The following AKAP6 variants were observed in gnomAD, a reference collection of about 807,000 sequenced individuals.
The protein encoded by AKAP6 is A-kinase anchoring protein 6.
Under a neutral mutation model 188.5 loss-of-function variants are expected in AKAP6, and 58 were observed. That is an observed-to-expected ratio of 0.31 (90% confidence interval 0.25 to 0.38). The LOEUF (loss-of-function observed/expected upper bound fraction) is 0.38. Ranked by LOEUF, AKAP6 falls within the 10% of genes least tolerant of loss-of-function variation. AKAP6 has a pLI of 1.00. For synonymous variants in AKAP6, 989 were observed against 998.6 expected (o/e 0.99, Z 0.18); for missense variants, 2,710 against 2,740.0 (o/e 0.99, Z 0.24).
intron 7 of AKAP6, among the ~76,000 whole-genome samples, chr14:32,617,334 G>T (rs897175703): frequency 8.3e-6 from 1 of 120,802 alleles, no homozygotes; most frequent in South Asian, 2.7e-4. Flanking sequence ...TCGGTGGTCT[G>T]TCTGCCACCC....
rs2030870954 is a variant in AKAP6, at chr14:32,726,291, C to T, written c.3001-6163C>T. ...CCTCAGTCTTCTTTTACAGTTTGCT[C>T]AACATGAAAGTACCCAAATGAAGGG... On this transcript the variant is annotated intron_variant, in intron 9 of 13. Coordinates refer to ENST00000280979, the MANE Select transcript of AKAP6 (RefSeq NM_004274.5). 5 of 851,662 alleles carry T rather than the reference C, an allele frequency of 5.9e-6. No homozygotes were observed. In the Admixed American group the frequency reaches 3.1e-4, roughly 53 times the overall value. 52.8% of individuals were successfully genotyped at this position (851,662 alleles called of 1,614,324 possible). A position where few individuals can be genotyped will look rare whatever the true frequency, so the allele number is the denominator to read the frequency against.
intron 7 of AKAP6, among the ~76,000 whole-genome samples, chr14:32,643,217 G>T (rs1271906012): frequency 6.6e-6 from 1 of 152,116 alleles, no homozygotes; most frequent in Non-Finnish European, 1.5e-5. Flanking sequence ...CCATCTACCA[G>T]GATGGATATT....
chr14:32,718,760 C>T (rs912545480), intron 9 of AKAP6, among the ~76,000 whole-genome samples: 5 of 152,188 alleles, frequency 3.3e-5, no homozygotes, highest in African/African-American at 1.2e-4. Flanking sequence ...AAAGCAATCA[C>T]ACTGTACTCA....
At chr14:32,349,153 C>A (rs965332214) in intron 1 of AKAP6, among the ~76,000 whole-genome samples, 1 of 152,194 alleles carries the variant, frequency 6.6e-6, no homozygotes, top group Non-Finnish European at 1.5e-5. Flanking sequence ...ATCTGTAGGG[C>A]AATGGCCATT....
intron 2 of AKAP6, among the ~76,000 whole-genome samples, chr14:32,454,630 TCCTTCCCTC>T (rs1239922530): frequency 7.1e-6 from 1 of 141,478 alleles, no homozygotes; most frequent in Non-Finnish European, 1.5e-5. Flanking sequence ...CTTCCTTCCT[TCCTTCCCTC>T]CCTCCCTCCT....
chr14:32,615,173 A>AAAAAAAAAAAAAAAAAAAAAAAAAG, intron 7 of AKAP6, among the ~76,000 whole-genome samples: 1 of 146,842 alleles, frequency 6.8e-6, no homozygotes, highest in Non-Finnish European at 1.5e-5. Flanking sequence ...GTCTCAAAAA[A>AAAAAAAAAAAAAAAAAAAAAAAAAG]AAAAAAAAAA....
intron 9 of AKAP6, among the ~76,000 whole-genome samples, chr14:32,709,417 G>A (rs561348715): frequency 8.9e-4 from 135 of 152,018 alleles, no homozygotes; most frequent in African/African-American, 3.1e-3. Flanking sequence ...CCCAGTGCTA[G>A]GTAATATTTG....
Position 32,830,234 on chromosome 14 carries a change from A to T in AKAP6, c.*429A>T. On this transcript the variant is annotated 3_prime_UTR_variant, in exon 14 of 14. Coordinates refer to ENST00000280979, the MANE Select transcript of AKAP6 (RefSeq NM_004274.5). Reference sequence around the variant, plus strand: ...CCCCCACCAGTACTTGACCAATTTCATGTATCAATCTGGATTTTTTTTTAA... The same window carrying T: ...CCCCCACCAGTACTTGACCAATTTCTTGTATCAATCTGGATTTTTTTTTAA... 1 of 366,358 alleles carries T rather than the reference A, an allele frequency of 2.7e-6. No homozygotes were observed. Among genetic ancestry groups the T allele is most frequent in the South Asian group, 7.9e-5 (1 of 12,622 alleles). The allele number at this position is 366,358 out of a possible 1,614,324, so 22.7% of individuals were successfully genotyped here.
chr14:32,391,878 G>A (rs1420937308), intron 1 of AKAP6, among the ~76,000 whole-genome samples: 2 of 152,142 alleles, frequency 1.3e-5, no homozygotes, highest in African/African-American at 4.8e-5. Flanking sequence ...TTTCTTTATA[G>A]CAGTGTGAGA....
chr14:32,343,894 A>C (rs751661511), intron 1 of AKAP6, among the ~76,000 whole-genome samples: 4 of 151,700 alleles, frequency 2.6e-5, no homozygotes, highest in African/African-American at 4.8e-5. Context: ...CCTTTTCTCT[A>C]GCTCTCTGTG....
intron 12 of AKAP6, among the ~76,000 whole-genome samples, chr14:32,810,837 G>C (rs1303059715): frequency 6.6e-6 from 1 of 152,156 alleles, no homozygotes; most frequent in Non-Finnish European, 1.5e-5. Context: ...ACCATCTTAA[G>C]AAAATGACTC....
At chr14:32,793,493 G>A (rs145368820) in intron 12 of AKAP6, among the ~76,000 whole-genome samples, 1 of 152,130 alleles carries the variant, frequency 6.6e-6, no homozygotes, top group East Asian at 1.9e-4. Flanking sequence ...AAATATATAT[G>A]CACCCAATAC....
intron 1 of AKAP6, among the ~76,000 whole-genome samples, chr14:32,340,477 G>A (rs1001087997): frequency 6.6e-6 from 1 of 152,118 alleles, no homozygotes; most frequent in African/African-American, 2.4e-5. Context: ...TAAAACAAAA[G>A]GGTAAAATTT....
At chr14:32,769,964 G>A (rs1373827624) in intron 11 of AKAP6, among the ~76,000 whole-genome samples, 1 of 152,092 alleles carries the variant, frequency 6.6e-6, no homozygotes, top group Non-Finnish European at 1.5e-5. Flanking sequence ...ATATAATGAA[G>A]ACTAAATACC....
At position 32,577,207 on chromosome 14, in the gene AKAP6, A is replaced by G. The variant is rs371864764; in HGVS notation, c.2434A>G (p.Met812Val). 6.1e-5 allele frequency: 98 copies of G among 1,612,444 alleles called. No individual in the cohort carries two copies. Among genetic ancestry groups the G allele is most frequent in the East Asian group, 1.6e-4 (7 of 44,832 alleles). ...TENWTPPKAE[M>V]DDLKLYLETH... ...AAATTGGACTCCCCCTAAAGCAGAG[A>G]TGGATGACCTTAAACTGTATCTGGA... Residue 812 changes from methionine to valine, a missense_variant, in exon 5 of 14, where the codon ATG (methionine) becomes GTG (valine). Around this residue, in one of 2 missense-constraint regions of AKAP6, gnomAD observed 2,473 missense variants for 2,426.1 expected, o/e 1.02. Transcript: ENST00000280979.
At chr14:32,622,367 T>C (rs986166231) in intron 7 of AKAP6, among the ~76,000 whole-genome samples, 4 of 152,230 alleles carry the variant, frequency 2.6e-5, no homozygotes, top group African/African-American at 4.8e-5. Context: ...ATATTATCTG[T>C]TATTTTCACT....
Position 32,577,209 on chromosome 14 carries a change from G to C in AKAP6, c.2436G>C (p.Met812Ile). 6.2e-7 allele frequency: 1 copy of C among 1,612,522 alleles called. No individual in the cohort carries two copies. The highest frequency in any genetic ancestry group is 8.5e-7 in the Non-Finnish European group (1 of 1,179,128). Reference protein sequence around the residue: ...TENWTPPKAEMDDLKLYLETH... With the variant: ...TENWTPPKAEIDDLKLYLETH... ...ATTGGACTCCCCCTAAAGCAGAGAT[G>C]GATGACCTTAAACTGTATCTGGAGA... The change falls in exon 5 of 14, where the codon ATG becomes ATC. Residue 812 changes from methionine to isoleucine, a missense_variant. Transcript: ENST00000280979.
chr14:32,824,865 T>C, intron 13 of AKAP6, 50 bp downstream of exon 13: 2 of 1,446,712 alleles, frequency 1.4e-6, no homozygotes, highest in Non-Finnish European at 1.9e-6. Flanking sequence ...TGAGTTCAGG[T>C]CAGCAAAACC....
intron 9 of AKAP6, among the ~76,000 whole-genome samples, chr14:32,702,397 A>T (rs528020383): frequency 2.0e-4 from 30 of 150,730 alleles, no homozygotes; most frequent in South Asian, 1.1e-3. Context: ...ACTTGAATAT[A>T]TTTTTTTTCC....
Sources: gnomAD v4.1 joint callset for allele counts (sites outside exome capture counted in the v4.1 genomes callset) on GRCh38, gnomAD v4.1.1 for gene constraint, gnomAD v4.1.1 regional missense constraint, MANE v1.5 for transcripts, NCBI Gene and HGNC (gene_info 2026-07-23, HGNC 2026-07-21) for gene names.